TFPI: variants seen among roughly 807,000 people sequenced by gnomAD.
TFPI encodes the protein anti-convertin.
Under a neutral mutation model 34.6 loss-of-function variants are expected in TFPI, and 15 were observed. That is an observed-to-expected ratio of 0.43 (90% CI 0.29 to 0.67). TFPI has a LOEUF of 0.67. Among genes scored for constraint, TFPI ranks in the 30% least tolerant of loss-of-function variants. TFPI has a pLI of 0.15. For synonymous variants in TFPI, 105 were observed against 120.1 expected, an observed-to-expected ratio of 0.87 and a Z score of 0.82; for missense variants, 301 against 364.0, an observed-to-expected ratio of 0.83 and a Z score of 1.41.
chr2:187,479,054 G>A (rs7576066), intron 6 of TFPI, among the ~76,000 whole-genome samples: 47,195 of 151,954 alleles, frequency 0.31, 7,542 homozygotes, highest in African/African-American at 0.35. Context: ...TGAAAAGGCA[G>A]ATTGGTTAAG....
chr2:187,493,056 G>A (rs1336294524), intron 3 of TFPI, among the ~76,000 whole-genome samples: 1 of 152,022 alleles, frequency 6.6e-6, no homozygotes, highest in African/African-American at 2.4e-5. Flanking sequence ...CTGTGTCGGG[G>A]GTCTGACTCT....
At chr2:187,484,639 A>T in intron 5 of TFPI, 172 bp downstream of exon 5, 1 of 555,842 alleles carries the variant, frequency 1.8e-6, no homozygotes, top group Non-Finnish European at 3.0e-6. Flanking sequence ...TAATTTCTTA[A>T]TTTTCTGTGC....
At chr2:187,512,520 G>GAA (rs34346806) in intron 1 of TFPI, among the ~76,000 whole-genome samples, 24 of 141,108 alleles carry the variant, frequency 1.7e-4, no homozygotes, top group South Asian at 6.7e-4. Flanking sequence ...GTAATTGAAG[G>GAA]AAAAAAAAAA....
chr2:187,530,049 T>C (rs1687882452), intron 1 of TFPI, among the ~76,000 whole-genome samples: 1 of 152,172 alleles, frequency 6.6e-6, no homozygotes, highest in African/African-American at 2.4e-5. Context: ...CTGTTTTCTG[T>C]AAGTGTTCTC....
intron 1 of TFPI, among the ~76,000 whole-genome samples, chr2:187,520,328 G>A (rs1047529436): frequency 1.3e-5 from 2 of 152,126 alleles, no homozygotes; most frequent in Non-Finnish European, 2.9e-5. Flanking sequence ...CATGGGAAAA[G>A]CATCGTATCT....
intron 1 of TFPI, among the ~76,000 whole-genome samples, chr2:187,507,972 T>G (rs1686344728): frequency 6.6e-6 from 1 of 152,206 alleles, no homozygotes; most frequent in South Asian, 2.1e-4. Context: ...TAATCCATCT[T>G]GAGTTAATTT....
intron 1 of TFPI, among the ~76,000 whole-genome samples, chr2:187,507,336 CT>C (rs1001706181): frequency 2.0e-5 from 3 of 152,102 alleles, no homozygotes; most frequent in African/African-American, 7.2e-5. Context: ...GGTTCCAAGT[CT>C]TTTCCATTGT....
chr2:187,551,421 C>T (rs138145282), intron 1 of TFPI, among the ~76,000 whole-genome samples: 10 of 152,118 alleles, frequency 6.6e-5, no homozygotes, highest in Non-Finnish European at 1.2e-4. Context: ...CTGTTATTGT[C>T]GGTTTGAGGA....
intron 3 of TFPI, among the ~76,000 whole-genome samples, chr2:187,495,050 A>T (rs981053424): frequency 1.3e-5 from 2 of 152,176 alleles, no homozygotes; most frequent in African/African-American, 4.8e-5. Flanking sequence ...GATAATGAGG[A>T]GATGGGGGTA....
Position 187,530,569 on chromosome 2 carries a change from A to G in TFPI, c.-3+23631T>C, listed in dbSNP as rs1687909906. On this transcript the variant is annotated intron_variant, in intron 1 of 7. Transcript: ENST00000233156. ...TGAATGGAATGGAAATATTGCTTCT[A>G]TATAAAATCTCTACTCAAGTGGTGT... Among the ~76,000 whole-genome samples the G allele has an allele frequency of 2.6e-5, 4 of 152,226 alleles. No individual in the cohort carries two copies. The South Asian group carries it at 6.2e-4, about 24-fold the overall frequency.
Position 187,468,258 on chromosome 2 carries a change from GACACACACACACACACACACAC to G in TFPI, c.629-348_629-327del, listed in dbSNP as rs61019402. 8.8e-5 allele frequency among the ~76,000 whole-genome samples: 13 copies of G among 147,132 alleles called. No homozygotes were observed. The East Asian group carries it at 2.4e-3, about 27-fold the overall frequency. On this transcript the variant is annotated intron_variant, in intron 6 of 7. Coordinates refer to ENST00000233156, the MANE Select transcript of TFPI (RefSeq NM_006287.6). ...ATGTAACTGCTGAAAATTTCTTACA[GACACACACACACACACACACAC>G]ACACACACACATCACACATATATAT...
intron 3 of TFPI, among the ~76,000 whole-genome samples, chr2:187,496,175 T>C (rs1685461385): frequency 6.6e-6 from 1 of 152,118 alleles, no homozygotes; most frequent in Non-Finnish European, 1.5e-5. Flanking sequence ...GGGATGATTT[T>C]TCTTTTCTAT....
rs1691661924 is a variant in TFPI, at chr2:187,465,331, T to G, written c.*1605A>C. Reference sequence around the variant, plus strand: ...ACAAGCCTAGGTAACGTGGTGAAACTCGTCTCTACAAAAATTACATAAATT... The same window carrying G: ...ACAAGCCTAGGTAACGTGGTGAAACGCGTCTCTACAAAAATTACATAAATT... On this transcript the variant is annotated 3_prime_UTR_variant, in exon 8 of 8. Transcript: ENST00000233156. The G allele has an allele frequency of 6.6e-6, 1 of 151,506 alleles. No homozygotes were observed. The highest frequency in any genetic ancestry group is 1.5e-5 in the Non-Finnish European group (1 of 67,854). 9.4% of individuals were successfully genotyped at this position (151,506 alleles called of 1,614,324 possible).
chr2:187,546,485 A>T (rs146848235), intron 1 of TFPI, among the ~76,000 whole-genome samples: 7 of 152,238 alleles, frequency 4.6e-5, no homozygotes, highest in Admixed American at 4.6e-4. Flanking sequence ...GGAGGTTTTC[A>T]AGAATAAAAT....
chr2:187,526,306 G>A (rs1033186734), intron 1 of TFPI, among the ~76,000 whole-genome samples: 4 of 152,082 alleles, frequency 2.6e-5, no homozygotes, highest in Non-Finnish European at 5.9e-5. Context: ...GACTACAAGT[G>A]GTAAGGTGAA....
intron 1 of TFPI, chr2:187,529,383 T>C (rs940549248): frequency 6.6e-6 from 1 of 152,338 alleles, no homozygotes; most frequent in African/African-American, 2.4e-5. Context: ...GGCTAGAAAA[T>C]CCAAGATCAA....
At chr2:187,487,795 T>TCTCTACTTA (rs1245925734) in intron 4 of TFPI, among the ~76,000 whole-genome samples, 1 of 151,464 alleles carries the variant, frequency 6.6e-6, no homozygotes, top group Non-Finnish European at 1.5e-5. Flanking sequence ...TTTTTAAATA[T>TCTCTACTTA]CTCTACTTAC....
chr2:187,507,067 C>G (rs1165470864), intron 1 of TFPI, among the ~76,000 whole-genome samples: 1 of 152,070 alleles, frequency 6.6e-6, no homozygotes, highest in African/African-American at 2.4e-5. Context: ...TAGCCTCCCA[C>G]CCCCTGACAG....
At chr2:187,487,731 AATG>A (rs1693384754) in intron 4 of TFPI, among the ~76,000 whole-genome samples, 1 of 151,526 alleles carries the variant, frequency 6.6e-6, no homozygotes, top group Non-Finnish European at 1.5e-5. Context: ...AAAAACAATA[AATG>A]ATATGATTTA....
Sources: gnomAD v4.1 joint callset for allele counts (sites outside exome capture counted in the v4.1 genomes callset) on GRCh38, gnomAD v4.1.1 for gene constraint, MANE v1.5 for transcripts, NCBI Gene and HGNC (gene_info 2026-07-23, HGNC 2026-07-21) for gene names.